The following GALNTL6 variants were observed in gnomAD, a reference collection of about 807,000 sequenced individuals.
GALNTL6 encodes polypeptide N-acetylgalactosaminyltransferase like 6.
Under a neutral mutation model 73.7 loss-of-function variants are expected in GALNTL6, and 46 were observed. That is an observed-to-expected ratio of 0.62 (90% confidence interval 0.49 to 0.80). The LOEUF (loss-of-function observed/expected upper bound fraction) is 0.80, where lower values mean the gene tolerates loss of function less well. GALNTL6 is among the 30% of genes least tolerant of loss of function. The pLI, the probability that GALNTL6 is intolerant of heterozygous loss-of-function variation, is 0.00. For synonymous variants in GALNTL6, 259 were observed against 263.7 expected (o/e 0.98, Z 0.17); for missense variants, 604 against 755.0 (o/e 0.80, Z 2.34).
At chr4:172,826,140 A>C (rs1422434935) in intron 7 of GALNTL6, among the ~76,000 whole-genome samples, 1 of 152,060 alleles carries the variant, frequency 6.6e-6, no homozygotes, top group African/African-American at 2.4e-5. Context: ...TGGGCCCAGG[A>C]CAAGAGTGCA....
At chr4:172,029,945 G>A (rs1360484726) in intron 2 of GALNTL6, among the ~76,000 whole-genome samples, 2 of 152,056 alleles carry the variant, frequency 1.3e-5, no homozygotes, top group Admixed American at 6.6e-5. Context: ...TGGAAAAAGT[G>A]AGTGCTAATA....
chr4:172,085,372 C>T (rs1191839031), intron 2 of GALNTL6, among the ~76,000 whole-genome samples: 2 of 151,974 alleles, frequency 1.3e-5, no homozygotes, highest in South Asian at 2.1e-4. Flanking sequence ...AGGAATCATA[C>T]GTTTCCATTA....
At chr4:172,764,585 A>C (rs1002093857) in intron 5 of GALNTL6, among the ~76,000 whole-genome samples, 2 of 152,186 alleles carry the variant, frequency 1.3e-5, no homozygotes, top group African/African-American at 4.8e-5. Flanking sequence ...AAAAACTCTG[A>C]AAGTGATCTT....
chr4:172,606,735 T>C, intron 5 of GALNTL6, among the ~76,000 whole-genome samples: 1 of 142,906 alleles, frequency 7.0e-6, no homozygotes, highest in East Asian at 2.0e-4. Context: ...ATACTACTAT[T>C]GCAGTAGTGA....
rs73872052 is a variant in GALNTL6 at position 172,404,304 on chromosome 4, A to G, written c.553+55615A>G. Among the ~76,000 whole-genome samples, 1,061 of 152,084 alleles carry G rather than the reference A, an allele frequency of 7.0e-3. 14 individuals carry two copies. Among genetic ancestry groups the G allele is most frequent in the African/African-American group, 0.024 (988 of 41,530 alleles). Reference sequence around the variant, plus strand: ...ACAACTCTAAAGGGTAGAGTGCCCCAGAGTCAAAACCCAATGAGAAAGGAT... The same window carrying G: ...ACAACTCTAAAGGGTAGAGTGCCCCGGAGTCAAAACCCAATGAGAAAGGAT... On this transcript the variant is annotated intron_variant, in intron 5 of 12. Transcript: ENST00000506823.
At chr4:172,731,562 T>G (rs34764871) in intron 5 of GALNTL6, among the ~76,000 whole-genome samples, 67,997 of 151,878 alleles carry the variant, frequency 0.45, 17,626 homozygotes, top group East Asian at 0.68. Flanking sequence ...GCTCTGATCT[T>G]TTATTATTTT....
At position 172,793,081 on chromosome 4, in the gene GALNTL6, A is replaced by C. The variant is rs62329190; in HGVS notation, c.554-16280A>C. Among the ~76,000 whole-genome samples, 253 of 152,254 alleles carry C rather than the reference A, an allele frequency of 1.7e-3. 1 individual carries two copies. The highest frequency in any genetic ancestry group is 3.4e-3 in the Middle Eastern group (1 of 294). ...CAGCCTACAAGACTCTGAGGACTGCACCCTGTATTTCCAATAGTACTTATT... is the reference window on the plus strand; with the variant it reads ...CAGCCTACAAGACTCTGAGGACTGCCCCCTGTATTTCCAATAGTACTTATT... On this transcript the variant is annotated intron_variant, in intron 5 of 12. Transcript: ENST00000506823.
At chr4:172,074,314 C>A (rs543943158) in intron 2 of GALNTL6, among the ~76,000 whole-genome samples, 2 of 152,064 alleles carry the variant, frequency 1.3e-5, no homozygotes, top group Non-Finnish European at 2.9e-5. Context: ...AAATGTAAAA[C>A]CTGCTTCAAA....
At chr4:171,905,142 C>G (rs971371022) in intron 2 of GALNTL6, among the ~76,000 whole-genome samples, 6 of 152,174 alleles carry the variant, frequency 3.9e-5, no homozygotes, top group Admixed American at 6.5e-5. Flanking sequence ...TCACACATAA[C>G]TATATTAACT....
Position 172,311,770 on chromosome 4 carries a change from A to AGCT in GALNTL6, c.386+19_386+20insCTG. ...CATGCTAAGTGAGTATCAGCATATCAGTGATCAGGGTGGGTTTTTTTGGTT... is the reference window on the plus strand; with the variant it reads ...CATGCTAAGTGAGTATCAGCATATCAGCTGTGATCAGGGTGGGTTTTTTTGGTT... On this transcript the variant is annotated intron_variant, in intron 4 of 12. Transcript: ENST00000506823. 1 of 1,530,474 alleles carries AGCT rather than the reference A, an allele frequency of 6.5e-7. No individual in the cohort carries two copies. The highest frequency in any genetic ancestry group is 2.0e-5 in the Admixed American group (1 of 50,434). 94.8% of individuals were successfully genotyped at this position (1,530,474 alleles called of 1,614,324 possible).
intron 2 of GALNTL6, among the ~76,000 whole-genome samples, chr4:171,975,332 G>A (rs1483737250): frequency 6.6e-6 from 1 of 152,018 alleles, no homozygotes; most frequent in Non-Finnish European, 1.5e-5. Context: ...TATCATAATG[G>A]TTCTGCCTGA....
At chr4:171,896,068 G>T (rs976172105) in intron 2 of GALNTL6, among the ~76,000 whole-genome samples, 1 of 152,038 alleles carries the variant, frequency 6.6e-6, no homozygotes, top group Non-Finnish European at 1.5e-5. Context: ...CCTAACATAA[G>T]TGTCATTGGT....
chr4:172,372,751 G>A (rs1473230006), intron 5 of GALNTL6, among the ~76,000 whole-genome samples: 1 of 152,158 alleles, frequency 6.6e-6, no homozygotes, highest in East Asian at 1.9e-4. Flanking sequence ...ATGAGTATTT[G>A]CTCTCTGGGT....
At chr4:172,296,081 C>G (rs1347214230) in intron 3 of GALNTL6, among the ~76,000 whole-genome samples, 1 of 152,058 alleles carries the variant, frequency 6.6e-6, no homozygotes, top group Non-Finnish European at 1.5e-5. Flanking sequence ...ACTAACTCAT[C>G]AATGATATAT....
intron 3 of GALNTL6, among the ~76,000 whole-genome samples, chr4:172,279,011 C>A (rs1376781528): frequency 6.6e-6 from 1 of 152,028 alleles, no homozygotes; most frequent in Non-Finnish European, 1.5e-5. Flanking sequence ...AATTGGATAT[C>A]CACTGCAAAA....
At chr4:172,928,346 A>G (rs2653831) in intron 8 of GALNTL6, among the ~76,000 whole-genome samples, 29,620 of 152,144 alleles carry the variant, frequency 0.19, 4,130 homozygotes, top group African/African-American at 0.39. Context: ...GCTACTTAGC[A>G]TCTCTAGGCT....
chr4:172,902,209 A>G (rs369077782), intron 8 of GALNTL6, among the ~76,000 whole-genome samples: 77 of 152,184 alleles, frequency 5.1e-4, no homozygotes, highest in African/African-American at 1.5e-3. Flanking sequence ...CTAAAATGAT[A>G]TTAAAACCAC....
At chr4:171,916,207 A>C (rs1186168611) in intron 2 of GALNTL6, among the ~76,000 whole-genome samples, 1 of 152,136 alleles carries the variant, frequency 6.6e-6, no homozygotes, top group Non-Finnish European at 1.5e-5. Context: ...TTTAACATAT[A>C]AACTAATTAC....
intron 2 of GALNTL6, among the ~76,000 whole-genome samples, chr4:172,109,013 CAAAAAAAAAA>C (rs202017302): frequency 3.7e-5 from 4 of 108,290 alleles, no homozygotes; most frequent in East Asian, 4.7e-4. Flanking sequence ...ACTCCATCTC[CAAAAAAAAAA>C]AAAAAAAAAA....
Sources: gnomAD v4.1 joint callset for allele counts (sites outside exome capture counted in the v4.1 genomes callset) on GRCh38, gnomAD v4.1.1 for gene constraint, MANE v1.5 for transcripts, NCBI Gene and HGNC (gene_info 2026-07-23, HGNC 2026-07-21) for gene names.